The following NRCAM variants were observed in gnomAD, a reference collection of about 807,000 sequenced individuals.
NRCAM encodes the protein neuronal cell adhesion molecule.
NRCAM carries 83 observed loss-of-function variants against 156.5 expected under a neutral mutation model. The observed-to-expected ratio is 0.53, with a 90% CI of 0.44 to 0.64. The LOEUF is 0.64. Among genes scored for constraint, NRCAM ranks in the 30% least tolerant of loss-of-function variants. The pLI, the probability that NRCAM is intolerant of heterozygous loss-of-function variation, is 0.00. For synonymous variants in NRCAM, 538 were observed against 563.9 expected (o/e 0.95, Z 0.65); for missense variants, 1,417 against 1,597.3 (o/e 0.89, Z 1.92).
chr7:108,343,754 T>C (rs954799667), intron 2 of NRCAM, among the ~76,000 whole-genome samples: 1 of 152,210 alleles, frequency 6.6e-6, no homozygotes, highest in Non-Finnish European at 1.5e-5. Context: ...ACCAAATCAT[T>C]ATTTACTAGA....
chr7:108,182,961 C>G, intron 22 of NRCAM, 41 bp from the exon 23 acceptor site: 1 of 1,499,532 alleles, frequency 6.7e-7, no homozygotes, highest in Non-Finnish European at 9.3e-7. Flanking sequence ...TAACACAAAT[C>G]AACTGCACAA....
chr7:108,182,732 G>A lies in NRCAM; in HGVS notation c.2493C>T (p.Pro831=), dbSNP rs769272722. The A allele has an allele frequency of 1.1e-5, 17 of 1,614,202 alleles. No individual in the cohort carries two copies. Among genetic ancestry groups the A allele is most frequent in the South Asian group, 6.6e-5 (6 of 91,084 alleles). ...AATGTCCCATGACTACAGCTGGCTC[G>A]GGGGCAAACCCCATGTCATTCAGGG... ...VQALNDMGFA[P]EPAVVMGHSG... is the part of the protein sequence containing the mutation. Residue 831 remains proline, a synonymous_variant, in exon 23 of 33, where the codon CCC becomes CCT. Coordinates refer to ENST00000379028, the MANE Select transcript of NRCAM (RefSeq NM_001037132.4).
chr7:108,194,246 ATTACCTCTGCC>A lies in NRCAM; in HGVS notation c.1630+5_1630+15del, dbSNP rs1486058704. The A allele has an allele frequency of 6.2e-7, 1 of 1,611,628 alleles. No homozygotes were observed. Among genetic ancestry groups the A allele is most frequent in the African/African-American group, 1.3e-5 (1 of 74,860 alleles). On this transcript the variant is annotated splice_donor_5th_base_variant and intron_variant, in intron 16 of 32. Coordinates refer to ENST00000379028, the MANE Select transcript of NRCAM (RefSeq NM_001037132.4). ...TCAAAGTCATTTAAAAATTAAACAC[ATTACCTCTGCC>A]TTACCTTTGATTTCTAAGTGAACTT... is the stretch of plus-strand genomic sequence containing the variant.
chr7:108,411,509 A>G (rs1363226219), intron 1 of NRCAM, among the ~76,000 whole-genome samples: 2 of 152,210 alleles, frequency 1.3e-5, no homozygotes, highest in Admixed American at 6.5e-5. Context: ...AGATTGTTCC[A>G]TATCAGTAGA....
At chr7:108,348,393 A>T (rs1388983216) in intron 2 of NRCAM, among the ~76,000 whole-genome samples, 1 of 152,144 alleles carries the variant, frequency 6.6e-6, no homozygotes, top group Non-Finnish European at 1.5e-5. Flanking sequence ...AGGAGTCAGA[A>T]ATAAGCCTTA....
At chr7:108,347,685 A>G (rs930087581) in intron 2 of NRCAM, among the ~76,000 whole-genome samples, 3 of 152,188 alleles carry the variant, frequency 2.0e-5, no homozygotes, top group Non-Finnish European at 4.4e-5. Context: ...AAAGGGATCC[A>G]GGATATGCCT....
chr7:108,244,984 A>G (rs2153830227), intron 3 of NRCAM, among the ~76,000 whole-genome samples: 1 of 152,366 alleles, frequency 6.6e-6, no homozygotes. Flanking sequence ...AAAATAATCC[A>G]GTCCTAATGG....
At position 108,299,505 on chromosome 7, in the gene NRCAM, A is replaced by T. The variant is rs189285707; in HGVS notation, c.-107+13160T>A. ...AGATAAGAATACCCAATGTAATAGCAGGCAAGCATTCCTAACCATATTATA... is the reference window on the plus strand; with the variant it reads ...AGATAAGAATACCCAATGTAATAGCTGGCAAGCATTCCTAACCATATTATA... On this transcript the variant is annotated intron_variant, in intron 3 of 32. Coordinates refer to ENST00000379028, the MANE Select transcript of NRCAM (RefSeq NM_001037132.4). 4.9e-3 allele frequency among the ~76,000 whole-genome samples: 748 copies of T among 152,310 alleles called. 2 individuals are homozygous for T. Among genetic ancestry groups the T allele is most frequent in the Non-Finnish European group, 8.2e-3 (561 of 68,024 alleles).
intron 3 of NRCAM, among the ~76,000 whole-genome samples, chr7:108,284,501 G>GC (rs1387999108): frequency 7.2e-5 from 11 of 152,066 alleles, no homozygotes; most frequent in Non-Finnish European, 1.3e-4. Context: ...TCTGCTCAGG[G>GC]CCCTGCGGTT....
At chr7:108,397,262 G>A (rs1027631091) in intron 2 of NRCAM, among the ~76,000 whole-genome samples, 3 of 152,144 alleles carry the variant, frequency 2.0e-5, no homozygotes, top group Non-Finnish European at 4.4e-5. Flanking sequence ...TAAAGTTCCT[G>A]AAAAGATGGT....
intron 2 of NRCAM, among the ~76,000 whole-genome samples, chr7:108,392,669 T>C (rs1329504208): frequency 2.6e-5 from 4 of 152,362 alleles, no homozygotes; most frequent in Non-Finnish European, 5.9e-5. Context: ...TTTCAGCTTT[T>C]CTGCTCTGGT....
rs763246313 is a variant in NRCAM at position 108,150,113 on chromosome 7, T to C, written c.3712A>G (p.Ser1238Gly). The change falls in exon 33 of 33, where the codon AGT becomes GGT. Residue 1238 changes from serine to glycine, a missense_variant. Ser to Gly is a moderately conservative substitution (Grantham distance 56). Around this residue, in one of 2 missense-constraint regions of NRCAM, gnomAD observed 179 missense variants for 260.9 expected, o/e 0.69. Transcript: ENST00000379028. Reference protein sequence around the residue: ...AEDHKPLKKGSRTPSDRTVKK... With the variant: ...AEDHKPLKKGGRTPSDRTVKK... ...ACAGTCCTGTCTGAAGGAGTTCGAC[T>C]TCCTTTTTTCAAAGGCTTGTGGTCT... The C allele has an allele frequency of 1.9e-6, 3 of 1,612,054 alleles. No individual in the cohort carries two copies. Among genetic ancestry groups the C allele is most frequent in the Non-Finnish European group, 2.5e-6 (3 of 1,179,500 alleles).
intron 2 of NRCAM, among the ~76,000 whole-genome samples, chr7:108,398,330 C>T (rs113236158): frequency 6.6e-6 from 1 of 152,158 alleles, no homozygotes; most frequent in East Asian, 1.9e-4. Context: ...CCAGCTCTTT[C>T]AAATTCCCCT....
intron 3 of NRCAM, among the ~76,000 whole-genome samples, chr7:108,257,363 T>C (rs1257041326): frequency 6.6e-6 from 1 of 152,180 alleles, no homozygotes; most frequent in Non-Finnish European, 1.5e-5. Flanking sequence ...CAAAAAACTA[T>C]AAATAAGAAA....
At chr7:108,350,072 T>C (rs2099400692) in intron 2 of NRCAM, among the ~76,000 whole-genome samples, 1 of 152,200 alleles carries the variant, frequency 6.6e-6, no homozygotes, top group South Asian at 2.1e-4. Context: ...TTACACCAGC[T>C]ATTCCTTCCA....
At chr7:108,369,611 C>A (rs1036149213) in intron 2 of NRCAM, among the ~76,000 whole-genome samples, 1 of 152,066 alleles carries the variant, frequency 6.6e-6, no homozygotes, top group Non-Finnish European at 1.5e-5. Flanking sequence ...CTCTGACTTG[C>A]AGGCAATTTT....
intron 29 of NRCAM, among the ~76,000 whole-genome samples, chr7:108,167,704 T>C (rs537195795): frequency 5.3e-5 from 8 of 152,318 alleles, no homozygotes; most frequent in African/African-American, 1.9e-4. Context: ...GGTACTGGCT[T>C]TTCATAAACT....
At chr7:108,354,850 T>C (rs1678572842) in intron 2 of NRCAM, among the ~76,000 whole-genome samples, 1 of 151,594 alleles carries the variant, frequency 6.6e-6, no homozygotes. Flanking sequence ...GCTGAGATCA[T>C]GCCACTGCAC....
intron 2 of NRCAM, among the ~76,000 whole-genome samples, chr7:108,359,449 C>T (rs2099533440): frequency 6.6e-6 from 1 of 152,118 alleles, no homozygotes; most frequent in Non-Finnish European, 1.5e-5. Flanking sequence ...ATCATTTTGA[C>T]ACTTGGTGAT....
Sources: allele counts gnomAD v4.1 joint callset (sites outside exome capture counted in the v4.1 genomes callset), GRCh38; gene constraint gnomAD v4.1.1; regional missense constraint gnomAD v4.1.1; transcripts MANE v1.5; gene names NCBI Gene and HGNC (gene_info 2026-07-23, HGNC 2026-07-21).